GPHN: variants seen among roughly 807,000 people sequenced by gnomAD.
The protein encoded by GPHN is gephyrin.
In GPHN, 17 loss-of-function variants were observed where a neutral mutation model predicts 95.5. The ratio of observed to expected loss-of-function variants is 0.18; its 90% CI spans 0.12 to 0.27. The LOEUF (loss-of-function observed/expected upper bound fraction) is 0.27. Ranked by LOEUF, GPHN falls within the 10% of genes least tolerant of loss-of-function variation. The pLI, the probability that GPHN is intolerant of heterozygous loss-of-function variation, is 1.00. For synonymous variants in GPHN, 320 were observed against 322.5 expected (o/e 0.99, Z 0.08); for missense variants, 660 against 978.1 (o/e 0.67, Z 4.34).
intron 1 of GPHN, among the ~76,000 whole-genome samples, chr14:66,510,256 C>CTT (rs917303555): frequency 3.3e-5 from 5 of 152,096 alleles, no homozygotes; most frequent in Admixed American, 6.6e-5. Flanking sequence ...TCCAGCCATT[C>CTT]TTTGACAATA....
chr14:66,632,876 C>G (rs1374504676), intron 1 of GPHN, among the ~76,000 whole-genome samples: 2 of 152,042 alleles, frequency 1.3e-5, no homozygotes, highest in African/African-American at 2.4e-5. Flanking sequence ...TAAGAAAGAA[C>G]AACAACAAAA....
the GPHN span, among the ~76,000 whole-genome samples, chr14:67,469,465 T>TG: frequency 7.7e-6 from 1 of 130,580 alleles, no homozygotes; most frequent in Non-Finnish European, 1.7e-5. Context: ...TTTTTTTTTT[T>TG]GTAGAGATGG....
the GPHN span, among the ~76,000 whole-genome samples, chr14:67,327,045 T>G: frequency 1.3e-5 from 2 of 152,128 alleles, no homozygotes; most frequent in African/African-American, 4.8e-5. Flanking sequence ...TGTGGTGGCA[T>G]GCACCTGTAA....
At chr14:66,652,310 G>A (rs1216224743) in intron 1 of GPHN, among the ~76,000 whole-genome samples, 1 of 152,074 alleles carries the variant, frequency 6.6e-6, no homozygotes, top group Non-Finnish European at 1.5e-5. Flanking sequence ...TATAGAAAAG[G>A]AGGAAAATTA....
the GPHN span, among the ~76,000 whole-genome samples, chr14:67,479,090 T>C: frequency 6.6e-6 from 1 of 152,230 alleles, no homozygotes; most frequent in Non-Finnish European, 1.5e-5. Flanking sequence ...GTATAACTTT[T>C]ATAAAACTAA....
chr14:67,549,511 T>C, the GPHN span, among the ~76,000 whole-genome samples: 4 of 152,160 alleles, frequency 2.6e-5, no homozygotes, highest in African/African-American at 9.7e-5. Context: ...CCTCAAGTGA[T>C]CCGCCTGCCT....
intron 2 of GPHN, among the ~76,000 whole-genome samples, chr14:66,725,884 A>T (rs181996726): frequency 6.6e-6 from 1 of 152,312 alleles, no homozygotes; most frequent in East Asian, 1.9e-4. Context: ...AAAAATCAGT[A>T]AAAAACTGAT....
At chr14:66,937,514 G>A (rs758716919) in intron 8 of GPHN, among the ~76,000 whole-genome samples, 1 of 151,948 alleles carries the variant, frequency 6.6e-6, no homozygotes, top group Non-Finnish European at 1.5e-5. Context: ...CCAAGTAGTG[G>A]GATTACAGGC....
At chr14:67,369,629 G>C in the GPHN span, among the ~76,000 whole-genome samples, 2 of 152,148 alleles carry the variant, frequency 1.3e-5, no homozygotes, top group Non-Finnish European at 2.9e-5. Flanking sequence ...TATGTTCTCT[G>C]ATCACACTGG....
At chr14:66,768,137 A>T (rs933816106) in intron 2 of GPHN, among the ~76,000 whole-genome samples, 4 of 151,958 alleles carry the variant, frequency 2.6e-5, no homozygotes, top group Admixed American at 2.6e-4. Context: ...TTTTTAAGTT[A>T]CTAAAGATAA....
chr14:66,688,351 C>T (rs1175085266), intron 2 of GPHN, among the ~76,000 whole-genome samples: 1 of 152,030 alleles, frequency 6.6e-6, no homozygotes, highest in Non-Finnish European at 1.5e-5. Flanking sequence ...CAGGCACACT[C>T]AAGTGTAACA....
At chr14:67,533,036 G>A in the GPHN span, among the ~76,000 whole-genome samples, 2 of 152,096 alleles carry the variant, frequency 1.3e-5, no homozygotes, top group Non-Finnish European at 2.9e-5. Context: ...CCAGCGGTGC[G>A]GAGAAGTGGG....
the GPHN span, chr14:67,729,724 T>G: frequency 1.9e-6 from 1 of 523,678 alleles, no homozygotes; most frequent in South Asian, 1.5e-5. Context: ...ACTTGATTCA[T>G]GAATTTTTAA....
chr14:66,728,187 C>T (rs2071425390), intron 2 of GPHN, among the ~76,000 whole-genome samples: 1 of 152,072 alleles, frequency 6.6e-6, no homozygotes, highest in African/African-American at 2.4e-5. Flanking sequence ...GAACCTCTGC[C>T]TAGATTTCAG....
the GPHN span, among the ~76,000 whole-genome samples, chr14:67,484,757 C>T: frequency 2.6e-5 from 4 of 151,710 alleles, no homozygotes; most frequent in African/African-American, 9.7e-5. Flanking sequence ...GACCTCATTT[C>T]TAATAAAGAA....
the GPHN span, chr14:67,569,318 C>T: frequency 7.9e-6 from 6 of 756,188 alleles, no homozygotes; most frequent in East Asian, 5.1e-5. Context: ...CCAGGGTTGG[C>T]TGGCCTACCC....
chr14:66,587,952 C>T (rs919596133), intron 1 of GPHN, among the ~76,000 whole-genome samples: 1 of 152,210 alleles, frequency 6.6e-6, no homozygotes, highest in Non-Finnish European at 1.5e-5. Flanking sequence ...GGAGACACCT[C>T]CCAGCAAGGG....
the GPHN span, among the ~76,000 whole-genome samples, chr14:67,662,711 C>G: frequency 6.6e-6 from 1 of 152,104 alleles, no homozygotes; most frequent in Non-Finnish European, 1.5e-5. Context: ...CAAGACCACC[C>G]TGGCCAACCT....
chr14:67,193,036 ATATC>A, the GPHN span, among the ~76,000 whole-genome samples: 1 of 145,496 alleles, frequency 6.9e-6, no homozygotes, highest in East Asian at 2.1e-4. Flanking sequence ...ATCTCTATCA[ATATC>A]TAGATATAGA....
Sources: gnomAD v4.1 joint callset for allele counts (sites outside exome capture counted in the v4.1 genomes callset) on GRCh38, gnomAD v4.1.1 for gene constraint, MANE v1.5 for transcripts, NCBI Gene and HGNC (gene_info 2026-07-23, HGNC 2026-07-21) for gene names.